ZRANB3: variants seen among roughly 807,000 people sequenced by gnomAD.
The protein encoded by ZRANB3 is DNA annealing helicase and endonuclease ZRANB3.
Under a neutral mutation model 133.8 loss-of-function variants are expected in ZRANB3, and 125 were observed. The observed-to-expected ratio is 0.93, with a 90% CI of 0.81 to 1.08. The LOEUF (loss-of-function observed/expected upper bound fraction) is 1.08. Among genes scored for constraint, ZRANB3 ranks in the 50% least tolerant of loss-of-function variants. The probability of loss-of-function intolerance (pLI) is 0.00; values close to 1 mark genes in which losing one functional copy is unlikely to be tolerated. For missense variants in ZRANB3, 1,229 were observed against 1,275.5 expected (o/e 0.96, Z 0.56); for synonymous variants, 387 against 432.7 (o/e 0.89, Z 1.31).
intron 14 of ZRANB3, among the ~76,000 whole-genome samples, chr2:135,226,581 CT>C (rs1181253804): frequency 6.6e-6 from 1 of 152,164 alleles, no homozygotes; most frequent in African/African-American, 2.4e-5. Flanking sequence ...CAGAACAAAA[CT>C]TCAAAGTGAT....
chr2:135,295,285 G>T (rs1248330952), intron 8 of ZRANB3, among the ~76,000 whole-genome samples: 1 of 152,106 alleles, frequency 6.6e-6, no homozygotes, highest in Non-Finnish European at 1.5e-5. Flanking sequence ...TATATATTTA[G>T]GATAGTTAGC....
At chr2:135,477,039 C>T (rs1188383374) in intron 2 of ZRANB3, among the ~76,000 whole-genome samples, 5 of 152,066 alleles carry the variant, frequency 3.3e-5, no homozygotes, top group Non-Finnish European at 5.9e-5. Context: ...TTTCTAATAA[C>T]ATATTTTACT....
At position 135,342,252 on chromosome 2, in the gene ZRANB3, T is replaced by C. The variant is rs187239528; in HGVS notation, c.677+3298A>G. On this transcript the variant is annotated intron_variant, in intron 6 of 20. Transcript: ENST00000264159. ...ATAGAAAAGAACCTACATTGAAATATTGGGGGCCGGTTCCCCCAATAGTGA... is the reference window on the plus strand; with the variant it reads ...ATAGAAAAGAACCTACATTGAAATACTGGGGGCCGGTTCCCCCAATAGTGA... Among the ~76,000 whole-genome samples, 58 of 149,930 alleles carry C rather than the reference T, an allele frequency of 3.9e-4. 7 individuals carry two copies. Among genetic ancestry groups the C allele is most frequent in the African/African-American group, 1.4e-3 (54 of 39,306 alleles).
In ZRANB3 at chr2:135,505,538, C is replaced by A. The variant is rs139663987; in HGVS notation, c.-7-1042G>T. Among the ~76,000 whole-genome samples, 450 of 151,798 alleles carry A rather than the reference C, an allele frequency of 3.0e-3. 3 individuals are homozygous for A. The highest frequency in any genetic ancestry group is 0.01 in the African/African-American group (419 of 41,372). ...GCAGTGAGCCAAGATCATGCCACTG[C>A]GCTCCAGCCTGGGCGACAGAGTGAG... is the stretch of plus-strand genomic sequence containing the variant. On this transcript the variant is annotated intron_variant, in intron 1 of 20. Transcript: ENST00000264159.
chr2:135,414,458 T>G (rs140681248), intron 2 of ZRANB3, among the ~76,000 whole-genome samples: 10,493 of 152,034 alleles, frequency 0.069, 760 homozygotes, highest in African/African-American at 0.19. Flanking sequence ...ATAAAGCGAG[T>G]CCTGAGTGAC....
At chr2:135,515,317 C>G (rs142805647) in intron 1 of ZRANB3, among the ~76,000 whole-genome samples, 17 of 152,022 alleles carry the variant, frequency 1.1e-4, no homozygotes, top group African/African-American at 3.9e-4. Flanking sequence ...TCCTTCAGTT[C>G]TGCTCTGATC....
At chr2:135,327,657 A>G (rs1014855071) in intron 6 of ZRANB3, among the ~76,000 whole-genome samples, 1 of 152,158 alleles carries the variant, frequency 6.6e-6, no homozygotes, top group African/African-American at 2.4e-5. Flanking sequence ...TTGTTTTTTC[A>G]CTGTTTAGTT....
At chr2:135,366,920 C>T (rs1320443465) in intron 3 of ZRANB3, among the ~76,000 whole-genome samples, 3 of 151,992 alleles carry the variant, frequency 2.0e-5, no homozygotes, top group Non-Finnish European at 2.9e-5. Context: ...ATTCAGGAGG[C>T]TGAGGCAGGA....
At chr2:135,438,756 C>T (rs1689654083) in intron 2 of ZRANB3, among the ~76,000 whole-genome samples, 1 of 152,084 alleles carries the variant, frequency 6.6e-6, no homozygotes, top group Admixed American at 6.5e-5. Context: ...AATCATAAGT[C>T]CATGTTCTTA....
rs186793470 is a variant in ZRANB3 at position 135,224,586 on chromosome 2, G to A, written c.2159-69C>T. 2.8e-5 allele frequency: 32 copies of A among 1,130,540 alleles called. No homozygotes were observed. In the South Asian group the frequency reaches 3.1e-4, roughly 11 times the overall value. 70.0% of individuals were successfully genotyped at this position (1,130,540 alleles called of 1,614,324 possible). The stretch of plus-strand genomic sequence containing the variant: ...CTATCTAAAATAGCTTATTTTAATC[G>A]TGTGTAGGTTAGAACGATGAAATAG... On this transcript the variant is annotated intron_variant, in intron 14 of 20. Coordinates refer to ENST00000264159, the MANE Select transcript of ZRANB3 (RefSeq NM_032143.4).
chr2:135,422,953 A>G (rs1425281662), intron 2 of ZRANB3, among the ~76,000 whole-genome samples: 2 of 152,194 alleles, frequency 1.3e-5, no homozygotes, highest in Non-Finnish European at 2.9e-5. Flanking sequence ...GAGGCTAGAA[A>G]TCTAAAATCA....
chr2:135,205,569 T>A (rs1467297354), intron 19 of ZRANB3, among the ~76,000 whole-genome samples: 1 of 152,220 alleles, frequency 6.6e-6, no homozygotes, highest in Non-Finnish European at 1.5e-5. Context: ...TTGCTCAGGC[T>A]GGTAACTCTT....
rs60786338 is a variant in ZRANB3 at position 135,385,289 on chromosome 2, G to A, written c.180+5513C>T. ...CCTAGGAATCCAACTTACAAGGGAT[G>A]TGAAGGACCTCTTCAAGGAGAACTA... On this transcript the variant is annotated intron_variant, in intron 3 of 20. Transcript: ENST00000264159. Among the ~76,000 whole-genome samples the A allele has an allele frequency of 3.0e-3, 458 of 152,246 alleles. 2 individuals are homozygous for A. The highest frequency in any genetic ancestry group is 0.01 in the African/African-American group (433 of 41,532).
chr2:135,344,145 T>A (rs1253730175), intron 6 of ZRANB3, among the ~76,000 whole-genome samples: 1 of 152,216 alleles, frequency 6.6e-6, no homozygotes, highest in African/African-American at 2.4e-5. Context: ...ATAAGTCTTA[T>A]AATAACTCTC....
At chr2:135,394,195 G>A (rs1156332352) in intron 2 of ZRANB3, among the ~76,000 whole-genome samples, 1 of 152,074 alleles carries the variant, frequency 6.6e-6, no homozygotes. Flanking sequence ...AGATACCCCC[G>A]ATTTGTTACG....
chr2:135,331,023 T>A (rs1684114551), intron 6 of ZRANB3, among the ~76,000 whole-genome samples: 1 of 151,124 alleles, frequency 6.6e-6, no homozygotes, highest in South Asian at 2.1e-4. Flanking sequence ...ATTTTTTGAA[T>A]CATTGATTTT....
intron 8 of ZRANB3, among the ~76,000 whole-genome samples, chr2:135,276,029 G>A (rs1680804197): frequency 6.6e-6 from 1 of 152,086 alleles, no homozygotes; most frequent in South Asian, 2.1e-4. Context: ...CAATGGAAAG[G>A]AGGTAGTCAA....
At chr2:135,260,842 T>C (rs1044747645) in intron 12 of ZRANB3, among the ~76,000 whole-genome samples, 81 of 145,326 alleles carry the variant, frequency 5.6e-4, no homozygotes, top group Admixed American at 1.1e-3. Context: ...ATATATATAC[T>C]ATATATATTC....
chr2:135,448,961 G>A (rs2105002544), intron 2 of ZRANB3, among the ~76,000 whole-genome samples: 1 of 152,288 alleles, frequency 6.6e-6, no homozygotes, highest in East Asian at 1.9e-4. Context: ...TCCTCCTCTG[G>A]AGATTATGTG....
Sources: allele counts gnomAD v4.1 joint callset (sites outside exome capture counted in the v4.1 genomes callset), GRCh38; gene constraint gnomAD v4.1.1; transcripts MANE v1.5; gene names NCBI Gene and HGNC (gene_info 2026-07-23, HGNC 2026-07-21).